IFT122: variants seen among roughly 807,000 people sequenced by gnomAD.
IFT122 encodes intraflagellar transport 122, also known as intraflagellar transport protein 122 homolog.
A neutral mutation model predicts 161.6 loss-of-function variants in IFT122; 118 were observed. That is an observed-to-expected ratio of 0.73 (90% CI 0.63 to 0.85). IFT122 has a LOEUF of 0.85. IFT122 is among the 40% of genes least tolerant of loss of function. IFT122 has a pLI of 0.00. For missense variants in IFT122, 1,381 were observed against 1,579.6 expected, an observed-to-expected ratio of 0.87 and a Z score of 2.13; for synonymous variants, 550 against 602.4, an observed-to-expected ratio of 0.91 and a Z score of 1.27.
chr3:129,494,110 G>A (rs377154840), intron 17 of IFT122, among the ~76,000 whole-genome samples: 5 of 152,186 alleles, frequency 3.3e-5, no homozygotes, highest in Admixed American at 3.3e-4. Context: ...ACATGCACCT[G>A]CTGAGTGCCA....
At chr3:129,464,380 T>A (rs1251731448) in intron 6 of IFT122, among the ~76,000 whole-genome samples, 1 of 151,994 alleles carries the variant, frequency 6.6e-6, no homozygotes, top group Non-Finnish European at 1.5e-5. Flanking sequence ...GTCATAGAGG[T>A]ATGTACAGAG....
At chr3:129,460,778 A>G in intron 4 of IFT122, 1 of 1,132,028 alleles carries the variant, frequency 8.8e-7, no homozygotes, top group East Asian at 2.4e-5. Context: ...GAAGGACTAA[A>G]ACGGGTTGAG....
At chr3:129,501,082 G>A (rs60199476) in intron 19 of IFT122, among the ~76,000 whole-genome samples, 13,772 of 152,146 alleles carry the variant, frequency 0.091, 697 homozygotes, top group South Asian at 0.13. Flanking sequence ...ACAGGGAGAG[G>A]AGGGGGTTGG....
intron 29 of IFT122, 136 bp from the exon 30 acceptor site, chr3:129,520,040 A>G: frequency 1.3e-6 from 1 of 759,360 alleles, no homozygotes. Flanking sequence ...GCCCTCAAAC[A>G]AAGGTGCTGC....
At chr3:129,502,560 T>C (rs1185140531) in intron 19 of IFT122, 151 bp from the exon 20 acceptor site, 1 of 865,514 alleles carries the variant, frequency 1.2e-6, no homozygotes, top group African/African-American at 1.6e-5. Context: ...GTTTCTGGAG[T>C]GTGTATTCAT....
chr3:129,469,790 A>G (rs1199246365), intron 9 of IFT122, among the ~76,000 whole-genome samples: 1 of 152,190 alleles, frequency 6.6e-6, no homozygotes, highest in Non-Finnish European at 1.5e-5. Context: ...GCTTTCTTTC[A>G]TTCAACCAGT....
intron 24 of IFT122, chr3:129,514,173 C>T (rs1477901972): frequency 1.0e-5 from 7 of 685,246 alleles, no homozygotes; most frequent in Non-Finnish European, 1.6e-5. Flanking sequence ...TTAATGGAAA[C>T]TACGCTGTTT....
At position 129,464,696 on chromosome 3, in the gene IFT122, A is replaced by C; in HGVS notation, c.478A>C (p.Asn160His). The change falls in exon 7 of 30, where the codon AAC becomes CAC. Residue 160 changes from asparagine (N) to histidine (H), a missense_variant. Asn to His is a moderately conservative substitution (Grantham distance 68). Transcript: ENST00000348417. The stretch of plus-strand genomic sequence containing the variant: ...GTTCAATGGGATCATCAGCATACGG[A>C]ACAAAAATGGCGAGGAGAAAGTAAA... ...GMFNGIISIR[N>H]KNGEEKVKIE... 1 of 1,614,118 alleles carries C rather than the reference A, an allele frequency of 6.2e-7. No homozygotes were observed. Among genetic ancestry groups the C allele is most frequent in the South Asian group, 1.1e-5 (1 of 91,084 alleles).
chr3:129,453,451 A>G (rs1448115518), intron 3 of IFT122, among the ~76,000 whole-genome samples: 3 of 152,080 alleles, frequency 2.0e-5, no homozygotes, highest in African/African-American at 7.2e-5. Context: ...CGGTGACATG[A>G]AGGGCCCTCT....
chr3:129,520,160 A>G lies in IFT122; in HGVS notation c.3637-16A>G, dbSNP rs759504657. The G allele has an allele frequency of 3.1e-6, 5 of 1,607,182 alleles. No homozygotes were observed. In the South Asian group the frequency reaches 4.4e-5, roughly 14 times the overall value. On this transcript the variant is annotated splice_polypyrimidine_tract_variant and intron_variant, in intron 29 of 29. Transcript: ENST00000348417. ...CACTAGGGCTTCAGCCTGGTCTTACAGCTGTCTTCCCTTAGATGTTCCATT... is the reference window on the plus strand; with the variant it reads ...CACTAGGGCTTCAGCCTGGTCTTACGGCTGTCTTCCCTTAGATGTTCCATT...
chr3:129,459,983 G>C (rs1490156087), intron 4 of IFT122, among the ~76,000 whole-genome samples: 1 of 151,192 alleles, frequency 6.6e-6, no homozygotes, highest in Non-Finnish European at 1.5e-5. Flanking sequence ...TACTGGTCTT[G>C]AACTCCTGGG....
intron 18 of IFT122, among the ~76,000 whole-genome samples, chr3:129,498,957 G>C (rs1403616924): frequency 1.3e-5 from 2 of 152,232 alleles, no homozygotes; most frequent in Admixed American, 6.5e-5. Context: ...GTGTTCTGAG[G>C]CTGTTTCTCA....
intron 16 of IFT122, among the ~76,000 whole-genome samples, chr3:129,489,277 G>T (rs1391963656): frequency 6.6e-6 from 1 of 152,188 alleles, no homozygotes; most frequent in Non-Finnish European, 1.5e-5. Flanking sequence ...CTGAGAACGA[G>T]CTGTGTCACA....
chr3:129,519,586 G>T lies in IFT122; in HGVS notation c.3490G>T (p.Val1164Leu). 1 of 1,613,554 alleles carries T rather than the reference G, an allele frequency of 6.2e-7. No homozygotes were observed. The highest frequency in any genetic ancestry group is 8.5e-7 in the Non-Finnish European group (1 of 1,180,020). ...LSFEQGGSEF[V>L]PVVVSRLVLR... ...CCTGCAGCAAGGTGGCTCAGAGTTC[G>T]TGCCAGTGGTGGTGAGCCGGCTGGT... The change falls in exon 29 of 30, where the codon GTG becomes TTG. Residue 1164 changes from valine (V) to leucine (L), a missense_variant. This residue lies in a region of IFT122 where 177 missense variants were observed against 199.2 expected (regional missense o/e 0.89). Coordinates refer to ENST00000348417, the MANE Select transcript of IFT122 (RefSeq NM_052989.3).
Position 129,479,934 on chromosome 3 carries a change from C to A in IFT122, c.1488+12C>A, listed in dbSNP as rs1424603154. ...TGAAGAATGGACAGGTGAGTGCTCC[C>A]TCACGTCTCCTGTCAGGCTGATAAT... On this transcript the variant is annotated intron_variant, in intron 13 of 29. Transcript: ENST00000348417. 1.2e-6 allele frequency: 2 copies of A among 1,613,714 alleles called. No individual in the cohort carries two copies. Among genetic ancestry groups the A allele is most frequent in the Non-Finnish European group, 1.7e-6 (2 of 1,179,892 alleles).
In IFT122 at chr3:129,477,973, A is replaced by G. The variant is rs762457870; in HGVS notation, c.1148-43A>G. 5.8e-6 allele frequency: 9 copies of G among 1,548,612 alleles called. No homozygotes were observed. The East Asian group carries it at 6.7e-5, about 12-fold the overall frequency. Reference sequence around the variant, plus strand: ...TTAATTTCTCTGCCTTGCACCTTACATAACAACCTCTTGCTAGAACTAGAT... The same window carrying G: ...TTAATTTCTCTGCCTTGCACCTTACGTAACAACCTCTTGCTAGAACTAGAT... On this transcript the variant is annotated intron_variant, in intron 11 of 29. Transcript: ENST00000348417.
At chr3:129,509,335 G>A (rs565769894) in intron 23 of IFT122, among the ~76,000 whole-genome samples, 1 of 152,256 alleles carries the variant, frequency 6.6e-6, no homozygotes, top group East Asian at 1.9e-4. Flanking sequence ...TCCTGTAGTT[G>A]TGAGAGGATC....
rs150029312 is a variant in IFT122, at chr3:129,457,235, T to G, written c.194-1364T>G. Among the ~76,000 whole-genome samples, 35 of 152,352 alleles carry G rather than the reference T, an allele frequency of 2.3e-4. No individual in the cohort carries two copies. In the East Asian group the frequency reaches 5.4e-3, roughly 23 times the overall value. On this transcript the variant is annotated intron_variant, in intron 3 of 29. Coordinates refer to ENST00000348417, the MANE Select transcript of IFT122 (RefSeq NM_052989.3). ...AATTAATAACAAATTACTTGTTATA[T>G]GTTGCCTCTCTCCAGTCTGTTCCTT...
intron 9 of IFT122, among the ~76,000 whole-genome samples, chr3:129,473,921 A>T (rs2077630617): frequency 7.2e-6 from 1 of 138,426 alleles, no homozygotes; most frequent in African/African-American, 3.1e-5. Flanking sequence ...TCCAGAGTTT[A>T]TTGTTGTTAC....
Sources: gnomAD v4.1 joint callset for allele counts (sites outside exome capture counted in the v4.1 genomes callset) on GRCh38, gnomAD v4.1.1 for gene constraint, gnomAD v4.1.1 regional missense constraint, MANE v1.5 for transcripts, NCBI Gene and HGNC (gene_info 2026-07-23, HGNC 2026-07-21) for gene names.